The following SRSF1 variants were observed in gnomAD, a reference collection of about 807,000 sequenced individuals.
SRSF1 encodes the protein serine and arginine rich splicing factor 1, also known as serine/arginine-rich splicing factor 1.
Under a neutral mutation model 25.9 loss-of-function variants are expected in SRSF1, and 1 was observed. The ratio of observed to expected loss-of-function variants is 0.04; its 90% CI spans 0.01 to 0.18. The LOEUF (loss-of-function observed/expected upper bound fraction) is 0.18, where lower values mean the gene tolerates loss of function less well. SRSF1 is among the 10% of genes least tolerant of loss of function. The pLI, the probability that SRSF1 is intolerant of heterozygous loss-of-function variation, is 1.00. For missense variants in SRSF1, 65 were observed against 350.5 expected (o/e 0.19, Z 6.50); for synonymous variants, 132 against 126.2 (o/e 1.05, Z -0.31).
the SRSF1 span, chr17:57,991,366 G>T: frequency 6.6e-6 from 1 of 152,168 alleles, no homozygotes; most frequent in Non-Finnish European, 1.5e-5. Flanking sequence ...CTCTGCCGTT[G>T]TCAATTACCT....
chr17:58,002,223 A>G lies in SRSF1; in HGVS notation c.*3183T>C, dbSNP rs776670019. On this transcript the variant is annotated 3_prime_UTR_variant, in exon 4 of 4. Coordinates refer to ENST00000258962, the MANE Select transcript of SRSF1 (RefSeq NM_006924.5). Reference sequence around the variant, plus strand: ...CCATTACATTGAATTCTTAGATAAAAAGAGCTACATCCTTAAACTTACACT... The same window carrying G: ...CCATTACATTGAATTCTTAGATAAAGAGAGCTACATCCTTAAACTTACACT... Among the ~76,000 whole-genome samples, 7 of 152,220 alleles carry G rather than the reference A, an allele frequency of 4.6e-5. No homozygotes were observed. The highest frequency in any genetic ancestry group is 1.0e-4 in the Non-Finnish European group (7 of 68,038).
the SRSF1 span, among the ~76,000 whole-genome samples, chr17:57,995,054 A>G: frequency 1.3e-5 from 2 of 152,244 alleles, no homozygotes; most frequent in Admixed American, 6.5e-5. Flanking sequence ...TTGTTTTCAT[A>G]TAAGTGATAG....
intron 2 of SRSF1, 113 bp from the exon 3 acceptor site, chr17:58,006,086 T>A: frequency 9.5e-7 from 1 of 1,057,736 alleles, no homozygotes; most frequent in Non-Finnish European, 1.3e-6. Flanking sequence ...TGTACTTAAG[T>A]GATACCAGGT....
rs2075412279 is a variant in SRSF1, at chr17:58,004,305, G to A, written c.*1101C>T. ...AGAAGTTACGTAATTTAAGTTTACT[G>A]GCATTGCTACCCACCTAAGTCTAAA... is the stretch of plus-strand genomic sequence containing the variant. On this transcript the variant is annotated 3_prime_UTR_variant, in exon 4 of 4. Coordinates refer to ENST00000258962, the MANE Select transcript of SRSF1 (RefSeq NM_006924.5). The A allele has an allele frequency of 6.6e-6, 1 of 152,546 alleles. No homozygotes were observed. The highest frequency in any genetic ancestry group is 1.5e-5 in the Non-Finnish European group (1 of 68,014). 9.4% of individuals were successfully genotyped at this position (152,546 alleles called of 1,614,324 possible).
the SRSF1 span, chr17:57,993,662 T>C: frequency 1.3e-5 from 2 of 152,372 alleles, no homozygotes; most frequent in Admixed American, 1.3e-4. Context: ...GAGGACAGGA[T>C]AGATTTTGAC....
downstream of SRSF1, among the ~76,000 whole-genome samples, chr17:57,997,598 G>A (rs2075370119): frequency 6.6e-6 from 1 of 152,176 alleles, no homozygotes; most frequent in Non-Finnish European, 1.5e-5. Context: ...CATATTAAGG[G>A]AGTGACATGT....
chr17:58,006,683 C>A (rs536169796), intron 1 of SRSF1, 156 bp from the exon 2 acceptor site: 1 of 978,820 alleles, frequency 1.0e-6, no homozygotes, highest in African/African-American at 1.6e-5. Flanking sequence ...CAGAAACACG[C>A]CAGGCTCCCA....
chr17:57,995,224 T>C, the SRSF1 span, among the ~76,000 whole-genome samples: 1 of 152,216 alleles, frequency 6.6e-6, no homozygotes. Flanking sequence ...TGGTTCATTT[T>C]TGTGGATCTG....
chr17:57,999,944 C>CA (rs756934003), downstream of SRSF1, among the ~76,000 whole-genome samples: 15 of 152,076 alleles, frequency 9.9e-5, no homozygotes, highest in Non-Finnish European at 2.1e-4. Context: ...GCTTGAGTAT[C>CA]AAGCTGAACT....
downstream of SRSF1, among the ~76,000 whole-genome samples, chr17:58,000,707 G>A (rs1376708012): frequency 2.6e-5 from 4 of 152,130 alleles, no homozygotes; most frequent in Non-Finnish European, 5.9e-5. Flanking sequence ...AAAGCATTAG[G>A]CCTGTGTATG....
In SRSF1 at chr17:58,006,395, T is replaced by G. The variant is rs2075427691; in HGVS notation, c.327A>C (p.Arg109=). The G allele has an allele frequency of 6.2e-7, 1 of 1,612,884 alleles. No individual in the cohort carries two copies. Among genetic ancestry groups the G allele is most frequent in the African/African-American group, 1.3e-5 (1 of 74,916 alleles). Residue 109 remains arginine (R), a synonymous_variant, in exon 2 of 4, where the codon CGA becomes CGC. Coordinates refer to ENST00000258962, the MANE Select transcript of SRSF1 (RefSeq NM_006924.5). ...GCCTGGATGGGGGGCCATAGCGACC[T>G]CGGGGAGCTCCGCCACCTCCACCCC... ...GGGGGGGGAP[R]GRYGPPSRRS... is the part of the protein sequence containing the mutation.
downstream of SRSF1, among the ~76,000 whole-genome samples, chr17:58,000,665 GT>G (rs1054152097): frequency 6.6e-5 from 10 of 152,132 alleles, no homozygotes; most frequent in African/African-American, 2.4e-4. Context: ...ACAATAACAG[GT>G]TTTTCAGTCA....
At position 58,004,134 on chromosome 17, in the gene SRSF1, A is replaced by G. The variant is rs913536412; in HGVS notation, c.*1272T>C. On this transcript the variant is annotated 3_prime_UTR_variant, in exon 4 of 4. Transcript: ENST00000258962. ...CACATCAATAACTATCAAATTCCCCAAAACAAGTTTCTGAATGGTGTTCAG... is the reference window on the plus strand; with the variant it reads ...CACATCAATAACTATCAAATTCCCCGAAACAAGTTTCTGAATGGTGTTCAG... 5 of 152,686 alleles carry G rather than the reference A, an allele frequency of 3.3e-5. No individual in the cohort carries two copies. Among genetic ancestry groups the G allele is most frequent in the African/African-American group, 1.2e-4 (5 of 41,472 alleles). 9.5% of individuals were successfully genotyped at this position (152,686 alleles called of 1,614,324 possible).
chr17:58,000,677 A>G (rs2143458615), downstream of SRSF1, among the ~76,000 whole-genome samples: 1 of 152,294 alleles, frequency 6.6e-6, no homozygotes, highest in Non-Finnish European at 1.5e-5. Flanking sequence ...TTTTCAGTCA[A>G]GACACCCCAG....
the SRSF1 span, chr17:57,990,138 C>T: frequency 6.0e-6 from 1 of 167,226 alleles, no homozygotes; most frequent in African/African-American, 2.4e-5. Flanking sequence ...TAATGAAGAC[C>T]ATTATTCTAA....
chr17:57,999,385 A>C (rs1427345335), downstream of SRSF1, among the ~76,000 whole-genome samples: 1 of 152,216 alleles, frequency 6.6e-6, no homozygotes, highest in Non-Finnish European at 1.5e-5. Context: ...TGTACAAGGT[A>C]GGCAGAAAAA....
chr17:58,006,319 A>C (rs1440679992), intron 2 of SRSF1, 24 bp downstream of exon 2: 1 of 1,582,514 alleles, frequency 6.3e-7, no homozygotes, highest in Non-Finnish European at 8.6e-7. Context: ...CCTTCACATC[A>C]ATCCACACAA....
the SRSF1 span, chr17:57,989,789 C>T: frequency 5.0e-6 from 2 of 398,436 alleles, no homozygotes; most frequent in Non-Finnish European, 8.8e-6. Flanking sequence ...ATCAGGGAAC[C>T]GGTCAGCCTA....
Position 58,001,802 on chromosome 17 carries a change from C to T in SRSF1, c.*3604G>A, listed in dbSNP as rs2075392981. On this transcript the variant is annotated 3_prime_UTR_variant, in exon 4 of 4. Transcript: ENST00000258962. ...TCACAGCTTTTAGCTGTCTGGTCAT[C>T]TTAACTACAAAACCTATGCCCCTTT... Among the ~76,000 whole-genome samples the T allele has an allele frequency of 6.6e-6, 1 of 152,202 alleles. No individual in the cohort carries two copies. Among genetic ancestry groups the T allele is most frequent in the African/African-American group, 2.4e-5 (1 of 41,456 alleles).
Sources: gnomAD v4.1 joint callset for allele counts (sites outside exome capture counted in the v4.1 genomes callset) on GRCh38, gnomAD v4.1.1 for gene constraint, MANE v1.5 for transcripts, NCBI Gene and HGNC (gene_info 2026-07-23, HGNC 2026-07-21) for gene names.